Variants in HOMER1 observed in about 807,000 individuals in gnomAD.
HOMER1 encodes homer protein homolog 1.
In HOMER1, 3 loss-of-function variants were observed where a neutral mutation model predicts 48.9. That is an observed-to-expected ratio of 0.06 (90% CI 0.03 to 0.16). The LOEUF is 0.16. HOMER1 is among the 10% of genes least tolerant of loss of function. The pLI is 1.00. For missense variants in HOMER1, 247 were observed against 411.4 expected, an observed-to-expected ratio of 0.60 and a Z score of 3.46; for synonymous variants, 134 against 146.4, an observed-to-expected ratio of 0.92 and a Z score of 0.61.
chr5:79,380,293 G>A (rs1318115582), intron 8 of HOMER1, among the ~76,000 whole-genome samples: 1 of 152,150 alleles, frequency 6.6e-6, no homozygotes, highest in Non-Finnish European at 1.5e-5. Context: ...AGCGCTGGGT[G>A]CCACACAACC....
intron 5 of HOMER1, among the ~76,000 whole-genome samples, chr5:79,416,657 T>G (rs1289689250): frequency 6.6e-6 from 1 of 152,200 alleles, no homozygotes; most frequent in Non-Finnish European, 1.5e-5. Flanking sequence ...CCTGGCACAG[T>G]GCCTTCTGTA....
intron 8 of HOMER1, among the ~76,000 whole-genome samples, chr5:79,380,141 A>C (rs1748928263): frequency 6.6e-6 from 1 of 152,154 alleles, no homozygotes; most frequent in African/African-American, 2.4e-5. Context: ...AATATGGATA[A>C]AGGGTAAGAG....
intron 1 of HOMER1, among the ~76,000 whole-genome samples, chr5:79,488,803 G>A (rs1752190365): frequency 6.6e-6 from 1 of 152,124 alleles, no homozygotes; most frequent in East Asian, 1.9e-4. Context: ...GCTAGATGGG[G>A]CACATATTCT....
At chr5:79,417,626 G>A (rs1749981948) in intron 5 of HOMER1, among the ~76,000 whole-genome samples, 1 of 152,154 alleles carries the variant, frequency 6.6e-6, no homozygotes, top group Non-Finnish European at 1.5e-5. Context: ...AATGAGATCA[G>A]TTAATTTCAA....
At chr5:79,506,106 T>G (rs1296322529) in intron 1 of HOMER1, among the ~76,000 whole-genome samples, 2 of 87,466 alleles carry the variant, frequency 2.3e-5, no homozygotes, top group Non-Finnish European at 4.5e-5. Context: ...TTAAAAACTT[T>G]TATTTATTTA....
chr5:79,409,407 C>T (rs778780770), intron 5 of HOMER1, among the ~76,000 whole-genome samples: 3 of 142,732 alleles, frequency 2.1e-5, no homozygotes, highest in Non-Finnish European at 3.0e-5. Context: ...ACCCCAGCCT[C>T]GGCGACAGGG....
At chr5:79,390,215 G>A (rs1749214360) in intron 8 of HOMER1, among the ~76,000 whole-genome samples, 1 of 152,148 alleles carries the variant, frequency 6.6e-6, no homozygotes, top group Non-Finnish European at 1.5e-5. Context: ...GAGCCCAGGA[G>A]GTCGAGACTG....
In HOMER1 at chr5:79,421,576, G is replaced by GCACA. The variant is rs140527114; in HGVS notation, c.527+17430_527+17433dup. ...AGTTACATAATCAAGAATACTATGAGCACACACACACACACTAAACCCTGT... is the reference window on the plus strand; with the variant it reads ...AGTTACATAATCAAGAATACTATGAGCACACACACACACACACACTAAACCCTGT... On this transcript the variant is annotated intron_variant, in intron 5 of 8. Transcript: ENST00000334082. Among the ~76,000 whole-genome samples, 15 of 150,626 alleles carry GCACA rather than the reference G, an allele frequency of 1.0e-4. No homozygotes were observed. The South Asian group carries it at 1.5e-3, about 15-fold the overall frequency.
At chr5:79,471,469 C>T (rs994045392) in intron 1 of HOMER1, among the ~76,000 whole-genome samples, 2 of 150,500 alleles carry the variant, frequency 1.3e-5, no homozygotes, top group South Asian at 4.2e-4. Flanking sequence ...TCTCTTGAAC[C>T]TGGGAGGCAG....
intron 7 of HOMER1, among the ~76,000 whole-genome samples, chr5:79,397,277 A>G (rs1273674406): frequency 1.3e-5 from 2 of 152,212 alleles, no homozygotes; most frequent in Admixed American, 6.5e-5. Flanking sequence ...TGTTGACTGT[A>G]TAAATGCAAC....
chr5:79,391,530 G>T (rs1436709729), intron 8 of HOMER1, among the ~76,000 whole-genome samples: 1 of 151,796 alleles, frequency 6.6e-6, no homozygotes, highest in Admixed American at 6.6e-5. Context: ...AGATCACGAA[G>T]TCAGGAGATC....
At chr5:79,376,957 G>GT (rs1748786792) in intron 8 of HOMER1, among the ~76,000 whole-genome samples, 1 of 152,054 alleles carries the variant, frequency 6.6e-6, no homozygotes. Flanking sequence ...TACTGCTTTT[G>GT]TTTTTTTGTT....
At chr5:79,467,262 G>A (rs1468373706) in intron 1 of HOMER1, among the ~76,000 whole-genome samples, 1 of 151,724 alleles carries the variant, frequency 6.6e-6, no homozygotes, top group Non-Finnish European at 1.5e-5. Context: ...GTGCTGGCAG[G>A]GGCCTGTAAT....
chr5:79,425,836 A>G (rs376641255), intron 5 of HOMER1, among the ~76,000 whole-genome samples: 17 of 152,104 alleles, frequency 1.1e-4, no homozygotes, highest in African/African-American at 4.1e-4. Context: ...TTTAATAGTA[A>G]CTTAGATTGT....
chr5:79,376,056 G>A lies in HOMER1; in HGVS notation c.1018C>T (p.Leu340=). ...LEILDGKIFE[L]TELRDNLAKL... is the part of the protein sequence containing the mutation. ...GCCAAGTTATCTCGTAATTCTGTTA[G>A]TTCAAATATCTTTCCATCCAGAATT... Residue 340 remains leucine, a synonymous_variant, in exon 9 of 9, where the codon CTA becomes TTA. Transcript: ENST00000334082. 6.2e-7 allele frequency: 1 copy of A among 1,613,288 alleles called. No individual in the cohort carries two copies. Among genetic ancestry groups the A allele is most frequent in the East Asian group, 2.2e-5 (1 of 44,856 alleles).
At chr5:79,496,535 C>T (rs2112366022) in intron 1 of HOMER1, among the ~76,000 whole-genome samples, 1 of 152,216 alleles carries the variant, frequency 6.6e-6, no homozygotes, top group South Asian at 2.1e-4. Flanking sequence ...CCATCTTAGA[C>T]AATAGACCTC....
rs138243693 is a variant in HOMER1, at chr5:79,395,414, T to G, written c.876+1409A>C. ...TTTGTCTACTAGATATCAGTGGCGCTCCACTAATTGTGAAAATAAAAAATG... is the reference window on the plus strand; with the variant it reads ...TTTGTCTACTAGATATCAGTGGCGCGCCACTAATTGTGAAAATAAAAAATG... On this transcript the variant is annotated intron_variant, in intron 8 of 8. Transcript: ENST00000334082. Among the ~76,000 whole-genome samples the G allele has an allele frequency of 1.2e-4, 19 of 152,302 alleles. No homozygotes were observed. In the East Asian group the frequency reaches 3.7e-3, roughly 29 times the overall value.
At chr5:79,415,943 G>C (rs1391876676) in intron 5 of HOMER1, among the ~76,000 whole-genome samples, 1 of 152,064 alleles carries the variant, frequency 6.6e-6, no homozygotes, top group South Asian at 2.1e-4. Context: ...TATAAAATTA[G>C]GGTTATTAAC....
chr5:79,379,116 A>T lies in HOMER1; in HGVS notation c.877-2919T>A, dbSNP rs1410594898. On this transcript the variant is annotated intron_variant, in intron 8 of 8. Coordinates refer to ENST00000334082, the MANE Select transcript of HOMER1 (RefSeq NM_004272.5). ...TATATATATATATATATATATATAA[A>T]ATATATAAATATTTATTTATATATA... is the stretch of plus-strand genomic sequence containing the variant. Among the ~76,000 whole-genome samples, 373 of 83,612 alleles carry T rather than the reference A, an allele frequency of 4.5e-3. 11 individuals carry two copies. Among genetic ancestry groups the T allele is most frequent in the African/African-American group, 0.014 (258 of 18,806 alleles). The allele number at this position is 83,612 out of a possible 152,430, so 54.9% of individuals were successfully genotyped here.
Sources: allele counts gnomAD v4.1 joint callset (sites outside exome capture counted in the v4.1 genomes callset), GRCh38; gene constraint gnomAD v4.1.1; transcripts MANE v1.5; gene names NCBI Gene and HGNC (gene_info 2026-07-23, HGNC 2026-07-21).